Variants in DNAAF9 observed in about 807,000 individuals in gnomAD.
The protein encoded by DNAAF9 is shulin.
In DNAAF9, 90 loss-of-function variants were observed where a neutral mutation model predicts 167.0. That is an observed-to-expected ratio of 0.54 (90% CI 0.45 to 0.64). DNAAF9 has a LOEUF of 0.64. DNAAF9 is among the 30% of genes least tolerant of loss of function. The pLI is 0.00. For synonymous variants in DNAAF9, 491 were observed against 508.8 expected, an observed-to-expected ratio of 0.96 and a Z score of 0.47; for missense variants, 1,315 against 1,442.2, an observed-to-expected ratio of 0.91 and a Z score of 1.43.
At chr20:3,398,991 A>C (rs1166495200) in intron 1 of DNAAF9, among the ~76,000 whole-genome samples, 2 of 152,200 alleles carry the variant, frequency 1.3e-5, no homozygotes, top group Non-Finnish European at 1.5e-5. Flanking sequence ...CCATAAGGTG[A>C]CTCAAACTGA....
In DNAAF9 at chr20:3,339,889, C is replaced by CA. The variant is rs781760863; in HGVS notation, c.981+614dup. On this transcript the variant is annotated intron_variant, in intron 10 of 36. Transcript: ENST00000252032. ...TGGGTGACAGAGTGAGACCCTGTCT[C>CA]AAAAAATAAACAAACAAACAAAAAA... is the stretch of plus-strand genomic sequence containing the variant. Among the ~76,000 whole-genome samples, 43 of 152,188 alleles carry CA rather than the reference C, an allele frequency of 2.8e-4. 1 individual carries two copies. Among genetic ancestry groups the CA allele is most frequent in the Middle Eastern group, 3.4e-3 (1 of 294 alleles).
At chr20:3,275,812 T>G (rs1304411849) in intron 29 of DNAAF9, among the ~76,000 whole-genome samples, 2 of 152,182 alleles carry the variant, frequency 1.3e-5, no homozygotes, top group Non-Finnish European at 1.5e-5. Context: ...GCAGACAGCC[T>G]GGCGTATCCT....
rs201873954 is a variant in DNAAF9 at position 3,256,083 on chromosome 20, C to G, written c.3184G>C (p.Glu1062Gln). The part of the protein sequence containing the change: ...SVSQDSSGQQ[E>Q]CYLVFIGCSL... The stretch of plus-strand genomic sequence containing the variant: ...CAGCCGATGAACACAAGGTAGCACT[C>G]CTGCTGCCCGCTGCTGTCTTGAGAT... The change falls in exon 34 of 37, where the codon GAG (glutamate) becomes CAG (glutamine). Residue 1062 changes from glutamate to glutamine, a missense_variant. Physicochemically the swap from Glu to Gln is conservative, Grantham distance 29. Transcript: ENST00000252032. 2.4e-5 allele frequency: 39 copies of G among 1,614,120 alleles called. No individual in the cohort carries two copies. The African/African-American group carries it at 4.5e-4, about 19-fold the overall frequency.
At chr20:3,365,400 T>TATTTATTTATTTATTC (rs2083419105) in intron 6 of DNAAF9, among the ~76,000 whole-genome samples, 1 of 151,842 alleles carries the variant, frequency 6.6e-6, no homozygotes, top group African/African-American at 2.4e-5. Flanking sequence ...TTTATTTATT[T>TATTTATTTATTTATTC]ATTTATTTTT....
intron 28 of DNAAF9, among the ~76,000 whole-genome samples, 192 bp downstream of exon 28, chr20:3,281,449 A>G (rs141448710): frequency 2.2e-4 from 33 of 152,360 alleles, no homozygotes; most frequent in African/African-American, 7.2e-4. Flanking sequence ...CACAAAAGCT[A>G]AGCTTGTCTT....
At chr20:3,265,397 T>C (rs2068470800) in intron 30 of DNAAF9, among the ~76,000 whole-genome samples, 1 of 151,292 alleles carries the variant, frequency 6.6e-6, no homozygotes, top group Non-Finnish European at 1.5e-5. Flanking sequence ...AAACCCCATC[T>C]CTACTAAAAA....
At chr20:3,333,547 A>G (rs1228177414) in intron 10 of DNAAF9, among the ~76,000 whole-genome samples, 1 of 152,242 alleles carries the variant, frequency 6.6e-6, no homozygotes, top group Non-Finnish European at 1.5e-5. Flanking sequence ...TAAGCTATAA[A>G]AAAGTTACTA....
At chr20:3,360,379 A>T (rs1172017712) in intron 6 of DNAAF9, among the ~76,000 whole-genome samples, 1 of 152,160 alleles carries the variant, frequency 6.6e-6, no homozygotes, top group Non-Finnish European at 1.5e-5. Context: ...AACCTCCCAA[A>T]CTGCTGGGAT....
Position 3,252,610 on chromosome 20 carries a change from G to T in DNAAF9, c.3496C>A (p.Gln1166Lys). 1 of 1,612,428 alleles carries T rather than the reference G, an allele frequency of 6.2e-7. No individual in the cohort carries two copies. Among genetic ancestry groups the T allele is most frequent in the South Asian group, 1.1e-5 (1 of 91,064 alleles). The change falls in exon 37 of 37, where the codon CAG becomes AAG. Residue 1166 changes from glutamine (Q) to lysine (K), a missense_variant. Coordinates refer to ENST00000252032, the MANE Select transcript of DNAAF9 (RefSeq NM_001009984.3). ...EIEKYNQELE[Q>K]QEYHDLFELK... ...TCAAAGAGGTCATGATACTCCTGCT[G>T]TTCCAGCTCCTGGTTATACTTCTCA...
chr20:3,316,878 G>A (rs545228180), intron 17 of DNAAF9, 85 bp from the exon 18 acceptor site: 637 of 721,970 alleles, frequency 8.8e-4, no homozygotes, highest in Non-Finnish European at 1.3e-3. Context: ...GCCCTTCTCA[G>A]GAGCTAGGGT....
chr20:3,335,319 T>C (rs2069916602), intron 10 of DNAAF9, among the ~76,000 whole-genome samples: 1 of 152,232 alleles, frequency 6.6e-6, no homozygotes, highest in East Asian at 1.9e-4. Flanking sequence ...TGTGAATGTC[T>C]TGATTTTCCC....
At chr20:3,322,035 T>C (rs916003586) in intron 16 of DNAAF9, among the ~76,000 whole-genome samples, 182 bp downstream of exon 16, 2 of 152,328 alleles carry the variant, frequency 1.3e-5, no homozygotes, top group African/African-American at 4.8e-5. Context: ...CTAGCACAGC[T>C]ACCTGGGTAC....
At chr20:3,360,357 T>G (rs2083344744) in intron 6 of DNAAF9, among the ~76,000 whole-genome samples, 1 of 152,200 alleles carries the variant, frequency 6.6e-6, no homozygotes, top group African/African-American at 2.4e-5. Context: ...ACTCAAGTAA[T>G]CCACCAACCT....
intron 1 of DNAAF9, among the ~76,000 whole-genome samples, chr20:3,390,452 A>C (rs1600913183): frequency 6.7e-6 from 1 of 148,682 alleles, no homozygotes; most frequent in African/African-American, 2.5e-5. Flanking sequence ...TGCAACCTCT[A>C]CCTCCTGCGT....
intron 10 of DNAAF9, among the ~76,000 whole-genome samples, chr20:3,338,844 G>A (rs2070021698): frequency 6.6e-6 from 1 of 151,756 alleles, no homozygotes; most frequent in African/African-American, 2.4e-5. Context: ...AGTAGAGATG[G>A]GGTTTCACTA....
At position 3,249,700 on chromosome 20, in the gene DNAAF9, G is replaced by A. The variant is rs1234185457; in HGVS notation, c.*2872C>T. Reference sequence around the variant, plus strand: ...AACTATCCAACTAGATCAGCAACACGGCTGGAATACTTCGTAGTTTACAAT... The same window carrying A: ...AACTATCCAACTAGATCAGCAACACAGCTGGAATACTTCGTAGTTTACAAT... On this transcript the variant is annotated 3_prime_UTR_variant, in exon 37 of 37. Coordinates refer to ENST00000252032, the MANE Select transcript of DNAAF9 (RefSeq NM_001009984.3). 7 of 152,126 alleles carry A rather than the reference G, an allele frequency of 4.6e-5. No homozygotes were observed. The highest frequency in any genetic ancestry group is 1.9e-4 in the East Asian group (1 of 5,196). The allele number at this position is 152,126 out of a possible 1,614,324, so 9.4% of individuals were successfully genotyped here.
chr20:3,283,736 T>C (rs568394774), intron 27 of DNAAF9, among the ~76,000 whole-genome samples: 27 of 152,216 alleles, frequency 1.8e-4, no homozygotes, highest in Non-Finnish European at 1.8e-4. Context: ...CTCACTCAGA[T>C]TGTAGGCTTA....
chr20:3,332,153 G>A, intron 11 of DNAAF9, 127 bp downstream of exon 11: 1 of 616,056 alleles, frequency 1.6e-6, no homozygotes, highest in Non-Finnish European at 2.9e-6. Context: ...CAGAGAGGGA[G>A]CTGGAGGCCC....
At chr20:3,377,688 A>T (rs545538979) in intron 3 of DNAAF9, among the ~76,000 whole-genome samples, 7 of 151,820 alleles carry the variant, frequency 4.6e-5, no homozygotes, top group Non-Finnish European at 8.8e-5. Context: ...TCGAACTCCT[A>T]AGCTCAAGTG....
Sources: gnomAD v4.1 joint callset for allele counts (sites outside exome capture counted in the v4.1 genomes callset) on GRCh38, gnomAD v4.1.1 for gene constraint, MANE v1.5 for transcripts, NCBI Gene and HGNC (gene_info 2026-07-23, HGNC 2026-07-21) for gene names.